Variants in PPA1 observed in about 807,000 individuals in gnomAD.
PPA1 encodes inorganic pyrophosphatase.
A neutral mutation model predicts 41.8 loss-of-function variants in PPA1; 23 were observed. The ratio of observed to expected loss-of-function variants is 0.55; its 90% CI spans 0.40 to 0.78. The LOEUF is 0.78. Ranked by LOEUF, PPA1 falls within the 30% of genes least tolerant of loss-of-function variation. The pLI, the probability that PPA1 is intolerant of heterozygous loss-of-function variation, is 0.00. For missense variants in PPA1, 320 were observed against 361.6 expected (o/e 0.89, Z 0.93); for synonymous variants, 101 against 116.8 (o/e 0.86, Z 0.87).
At chr10:70,219,052 C>T (rs1171747194) in intron 2 of PPA1, among the ~76,000 whole-genome samples, 1 of 151,978 alleles carries the variant, frequency 6.6e-6, no homozygotes, top group Admixed American at 6.6e-5. Context: ...CGGTATAGTT[C>T]TTCTTAATTT....
intron 4 of PPA1, among the ~76,000 whole-genome samples, chr10:70,216,331 C>A (rs1840080618): frequency 1.3e-5 from 2 of 151,720 alleles, no homozygotes; most frequent in African/African-American, 2.4e-5. Flanking sequence ...AATAAAAATA[C>A]AAAAAATTAG....
At chr10:70,204,846 G>T in intron 10 of PPA1, 27 bp downstream of exon 10, 1 of 1,551,202 alleles carries the variant, frequency 6.4e-7, no homozygotes, top group Non-Finnish European at 8.8e-7. Context: ...AATGTTTAAT[G>T]AAATTTTACT....
At chr10:70,232,926 C>T (rs1052352812) in intron 1 of PPA1, among the ~76,000 whole-genome samples, 8 of 151,898 alleles carry the variant, frequency 5.3e-5, no homozygotes, top group Non-Finnish European at 2.9e-5. Flanking sequence ...TACTTCCAAG[C>T]ACCTTTCTAG....
At chr10:70,216,805 A>C (rs1840086372) in intron 4 of PPA1, among the ~76,000 whole-genome samples, 1 of 152,216 alleles carries the variant, frequency 6.6e-6, no homozygotes, top group African/African-American at 2.4e-5. Flanking sequence ...TGATTCTTCA[A>C]ATATCAAATA....
chr10:70,223,342 G>A (rs914611555), intron 2 of PPA1, among the ~76,000 whole-genome samples: 1 of 152,102 alleles, frequency 6.6e-6, no homozygotes, highest in Non-Finnish European at 1.5e-5. Context: ...AGCCTCCTAA[G>A]TAGCTGGGCC....
At chr10:70,223,238 G>A (rs1254363730) in intron 2 of PPA1, among the ~76,000 whole-genome samples, 5 of 89,628 alleles carry the variant, frequency 5.6e-5, no homozygotes, top group African/African-American at 9.2e-5. Flanking sequence ...AGAGAGAGAC[G>A]GGGTCTCACT....
At chr10:70,231,047 G>A (rs1276452846) in intron 1 of PPA1, among the ~76,000 whole-genome samples, 1 of 152,188 alleles carries the variant, frequency 6.6e-6, no homozygotes, top group African/African-American at 2.4e-5. Flanking sequence ...ACTAAACAAT[G>A]TTGCTAAAAG....
At chr10:70,208,161 G>T (rs1008741327) in intron 8 of PPA1, among the ~76,000 whole-genome samples, 2 of 152,194 alleles carry the variant, frequency 1.3e-5, no homozygotes, top group Non-Finnish European at 2.9e-5. Context: ...TTGCACTCCA[G>T]CCTGGGCAAC....
intron 2 of PPA1, among the ~76,000 whole-genome samples, chr10:70,223,207 C>T (rs574565434): frequency 0.011 from 1,009 of 94,662 alleles, 13 homozygotes; most frequent in African/African-American, 0.043. Flanking sequence ...TCTTAAAAAA[C>T]ATTTTTTTAA....
intron 10 of PPA1, chr10:70,203,746 A>G (rs1839905997): frequency 6.6e-6 from 1 of 152,344 alleles, no homozygotes; most frequent in South Asian, 2.1e-4. Flanking sequence ...TCATTTTCTT[A>G]CCAGAAAAAT....
chr10:70,220,633 AT>A lies in PPA1; in HGVS notation c.124-1817del, dbSNP rs1564584058. 2.8e-3 allele frequency among the ~76,000 whole-genome samples: 29 copies of A among 10,410 alleles called. 4 individuals are homozygous for A. Among genetic ancestry groups the A allele is most frequent in the African/African-American group, 8.4e-3 (24 of 2,844 alleles). 6.8% of individuals were successfully genotyped at this position (10,410 alleles called of 152,430 possible). A position where few individuals can be genotyped will look rare whatever the true frequency, so the allele number is the denominator to read the frequency against. On this transcript the variant is annotated intron_variant, in intron 2 of 10. Coordinates refer to ENST00000373232, the MANE Select transcript of PPA1 (RefSeq NM_021129.4). ...TATATTATATATAATTTATATATAT[AT>A]AATATATATAATTTATATATATATT...
At chr10:70,209,069 C>G in intron 8 of PPA1, 136 bp downstream of exon 8, 1 of 569,240 alleles carries the variant, frequency 1.8e-6, no homozygotes, top group Non-Finnish European at 2.9e-6. Flanking sequence ...GCTGGAATGA[C>G]AGGTGTGAGC....
At chr10:70,218,502 A>G in intron 3 of PPA1, 1 of 436,712 alleles carries the variant, frequency 2.3e-6, no homozygotes, top group Non-Finnish European at 4.1e-6. Flanking sequence ...AGAGAGTAAG[A>G]GGAGAAAAAG....
chr10:70,226,034 C>T (rs1209656779), intron 2 of PPA1, among the ~76,000 whole-genome samples: 1 of 152,212 alleles, frequency 6.6e-6, no homozygotes, highest in Non-Finnish European at 1.5e-5. Context: ...CAAAGAAAGA[C>T]ATGACTTACA....
At chr10:70,221,247 A>G (rs1840165865) in intron 2 of PPA1, among the ~76,000 whole-genome samples, 1 of 149,632 alleles carries the variant, frequency 6.7e-6, no homozygotes, top group African/African-American at 2.5e-5. Context: ...CCACAAGGGA[A>G]TAAGTCAAAG....
chr10:70,231,644 T>A (rs1391569194), intron 1 of PPA1, among the ~76,000 whole-genome samples: 1 of 152,222 alleles, frequency 6.6e-6, no homozygotes, highest in African/African-American at 2.4e-5. Flanking sequence ...TTTATCAGTT[T>A]TAAAGAAATT....
intron 6 of PPA1, among the ~76,000 whole-genome samples, chr10:70,210,815 G>A (rs565664926): frequency 2.2e-4 from 33 of 150,068 alleles, no homozygotes; most frequent in Non-Finnish European, 4.4e-4. Context: ...TCCCAGGCTG[G>A]AGTGCAGTGG....
rs1381083765 is a variant in PPA1, at chr10:70,220,859, TCTTATATATATAATATATAC to T, written c.124-2062_124-2043del. On this transcript the variant is annotated intron_variant, in intron 2 of 10. Transcript: ENST00000373232. Reference sequence around the variant, plus strand: ...TTTTTATATATATTATATATATAATTCTTATATATATAATATATACTTTATATATACTATATATATAATTT... The same window carrying T: ...TTTTTATATATATTATATATATAATTTTTATATATACTATATATATAATTT... Among the ~76,000 whole-genome samples the T allele has an allele frequency of 2.8e-3, 136 of 48,366 alleles. 23 individuals are homozygous for T. The highest frequency in any genetic ancestry group is 4.0e-3 in the Non-Finnish European group (115 of 29,056). The allele number at this position is 48,366 out of a possible 152,430, so 31.7% of individuals were successfully genotyped here.
At chr10:70,203,608 A>G (rs1839904754) in intron 10 of PPA1, 1 of 162,770 alleles carries the variant, frequency 6.1e-6, no homozygotes, top group South Asian at 1.6e-4. Flanking sequence ...TGGTTTCTCC[A>G]TGTTGGCCAG....
Sources: allele counts gnomAD v4.1 joint callset (sites outside exome capture counted in the v4.1 genomes callset), GRCh38; gene constraint gnomAD v4.1.1; transcripts MANE v1.5; gene names NCBI Gene and HGNC (gene_info 2026-07-23, HGNC 2026-07-21).